The following GRIA4 variants were observed in gnomAD, a reference collection of about 807,000 sequenced individuals.
GRIA4 encodes glutamate ionotropic receptor AMPA type subunit 4.
A neutral mutation model predicts 104.0 loss-of-function variants in GRIA4; 34 were observed. The ratio of observed to expected loss-of-function variants is 0.33; its 90% CI spans 0.25 to 0.44. The LOEUF (loss-of-function observed/expected upper bound fraction) is 0.44, where lower values mean the gene tolerates loss of function less well. Ranked by LOEUF, GRIA4 falls within the 20% of genes least tolerant of loss-of-function variation. The probability of loss-of-function intolerance (pLI) is 1.00; values close to 1 mark genes in which losing one functional copy is unlikely to be tolerated. For synonymous variants in GRIA4, 386 were observed against 381.9 expected, an observed-to-expected ratio of 1.01 and a Z score of -0.13; for missense variants, 750 against 1,096.5, an observed-to-expected ratio of 0.68 and a Z score of 4.46.
chr11:105,940,152 G>T (rs771082348), intron 14 of GRIA4, among the ~76,000 whole-genome samples: 2 of 152,094 alleles, frequency 1.3e-5, no homozygotes, highest in Non-Finnish European at 2.9e-5. Context: ...ATCAGTTAAG[G>T]TCAGGAGTTC....
chr11:105,667,914 T>C (rs557831426), intron 3 of GRIA4, among the ~76,000 whole-genome samples: 1 of 152,038 alleles, frequency 6.6e-6, no homozygotes, highest in South Asian at 2.1e-4. Flanking sequence ...ATGTATTATA[T>C]ATAGTCACTA....
intron 4 of GRIA4, among the ~76,000 whole-genome samples, chr11:105,845,405 A>G (rs1054325534): frequency 6.6e-6 from 1 of 152,136 alleles, no homozygotes; most frequent in Non-Finnish European, 1.5e-5. Flanking sequence ...CTCAGCAGTC[A>G]CTAGCCTGCC....
At chr11:105,714,067 G>A (rs990570747) in intron 3 of GRIA4, among the ~76,000 whole-genome samples, 1 of 152,062 alleles carries the variant, frequency 6.6e-6, no homozygotes, top group Non-Finnish European at 1.5e-5. Context: ...GGGGCTTGTA[G>A]GTGAGAATTG....
At chr11:105,961,249 TTA>T (rs1382878113) in intron 14 of GRIA4, among the ~76,000 whole-genome samples, 1 of 152,246 alleles carries the variant, frequency 6.6e-6, no homozygotes, top group East Asian at 1.9e-4. Context: ...AGAATTATTT[TTA>T]TATGATTTTA....
At chr11:105,738,184 G>C (rs1939074863) in intron 3 of GRIA4, among the ~76,000 whole-genome samples, 1 of 152,130 alleles carries the variant, frequency 6.6e-6, no homozygotes, top group Admixed American at 6.6e-5. Flanking sequence ...TTCCAGATAA[G>C]TTGCATGTAA....
chr11:105,673,227 T>C (rs1023285760), intron 3 of GRIA4, among the ~76,000 whole-genome samples: 1 of 152,102 alleles, frequency 6.6e-6, no homozygotes, highest in African/African-American at 2.4e-5. Context: ...ACTGCCTACA[T>C]TGTCCCCACA....
chr11:105,687,225 A>G (rs1952909935), intron 3 of GRIA4, among the ~76,000 whole-genome samples: 1 of 152,198 alleles, frequency 6.6e-6, no homozygotes, highest in African/African-American at 2.4e-5. Flanking sequence ...GAATTAACAC[A>G]TGAGTTGCTC....
chr11:105,908,513 G>A (rs1947120852), intron 9 of GRIA4, among the ~76,000 whole-genome samples: 1 of 149,966 alleles, frequency 6.7e-6, no homozygotes, highest in African/African-American at 2.5e-5. Context: ...TTCTAAATAA[G>A]CCCATGGTCC....
In GRIA4 at chr11:105,903,797, C is replaced by T. The variant is rs372072941; in HGVS notation, c.886-17C>T. ...AGATTTTAACATTTACCATTATGTT[C>T]ATTTTCATTTGGTTAGTACACCTCT... On this transcript the variant is annotated splice_polypyrimidine_tract_variant and intron_variant, in intron 7 of 16. Transcript: ENST00000282499. 5 of 1,562,758 alleles carry T rather than the reference C, an allele frequency of 3.2e-6. No homozygotes were observed. Among genetic ancestry groups the T allele is most frequent in the Non-Finnish European group, 4.4e-6 (5 of 1,135,270 alleles).
intron 3 of GRIA4, among the ~76,000 whole-genome samples, chr11:105,712,263 T>G (rs1158046443): frequency 6.6e-6 from 1 of 152,064 alleles, no homozygotes; most frequent in African/African-American, 2.4e-5. Flanking sequence ...CAGGATGGAT[T>G]TTTCTCCATG....
chr11:105,867,585 C>A (rs1255058663), intron 5 of GRIA4, among the ~76,000 whole-genome samples: 3 of 152,148 alleles, frequency 2.0e-5, no homozygotes, highest in Non-Finnish European at 4.4e-5. Context: ...AACAGCCTGC[C>A]TCTGTATCCC....
intron 3 of GRIA4, among the ~76,000 whole-genome samples, chr11:105,746,138 G>A (rs1939642451): frequency 6.6e-6 from 1 of 151,762 alleles, no homozygotes; most frequent in Non-Finnish European, 1.5e-5. Context: ...GTGTGTGTGT[G>A]TATTGTAGGT....
At chr11:105,924,213 A>G (rs1188470029) in intron 11 of GRIA4, among the ~76,000 whole-genome samples, 186 bp from the exon 12 acceptor site, 1 of 152,150 alleles carries the variant, frequency 6.6e-6, no homozygotes, top group Non-Finnish European at 1.5e-5. Flanking sequence ...GTGCAATTTA[A>G]GTAATATCTT....
intron 3 of GRIA4, chr11:105,706,578 CAAGATGTTGCCAATAATATA>C (rs1465698431): frequency 6.5e-6 from 1 of 153,742 alleles, no homozygotes; most frequent in Non-Finnish European, 1.5e-5. Context: ...TAAACTTGTT[CAAGATGTTGCCAATAATATA>C]AAGGAAGAGG....
intron 3 of GRIA4, among the ~76,000 whole-genome samples, chr11:105,701,469 A>G (rs1256500811): frequency 1.3e-5 from 2 of 152,214 alleles, no homozygotes; most frequent in African/African-American, 4.8e-5. Flanking sequence ...ATGTAACTGC[A>G]TGATTTTAAG....
At chr11:105,626,879 T>G (rs1346832984) in intron 3 of GRIA4, among the ~76,000 whole-genome samples, 1 of 152,206 alleles carries the variant, frequency 6.6e-6, no homozygotes, top group African/African-American at 2.4e-5. Context: ...AATGTAATAC[T>G]GATTTATGGA....
At chr11:105,846,609 T>C (rs777425261) in intron 4 of GRIA4, among the ~76,000 whole-genome samples, 5 of 152,148 alleles carry the variant, frequency 3.3e-5, no homozygotes, top group Non-Finnish European at 7.4e-5. Flanking sequence ...CAAGGGCTGA[T>C]ACAACAATGA....
chr11:105,700,351 A>G (rs1474184714), intron 3 of GRIA4, among the ~76,000 whole-genome samples: 1 of 152,166 alleles, frequency 6.6e-6, no homozygotes, highest in Non-Finnish European at 1.5e-5. Flanking sequence ...AATTAGTGAA[A>G]CAATTGTGTT....
chr11:105,736,083 A>G (rs1938919034), intron 3 of GRIA4, among the ~76,000 whole-genome samples: 1 of 152,164 alleles, frequency 6.6e-6, no homozygotes, highest in South Asian at 2.1e-4. Context: ...TTAGAAGAAT[A>G]TTCACAAATA....
Sources: gnomAD v4.1 joint callset for allele counts (sites outside exome capture counted in the v4.1 genomes callset) on GRCh38, gnomAD v4.1.1 for gene constraint, MANE v1.5 for transcripts, NCBI Gene and HGNC (gene_info 2026-07-23, HGNC 2026-07-21) for gene names.